Variants in NAALADL2 observed in about 807,000 individuals in gnomAD.
NAALADL2 encodes the protein inactive N-acetylated-alpha-linked acidic dipeptidase-like protein 2.
A neutral mutation model predicts 87.2 loss-of-function variants in NAALADL2; 76 were observed. That is an observed-to-expected ratio of 0.87 (90% CI 0.72 to 1.05). The LOEUF (loss-of-function observed/expected upper bound fraction) is 1.05, where lower values mean the gene tolerates loss of function less well. NAALADL2 is among the 50% of genes least tolerant of loss of function. The pLI, the probability that NAALADL2 is intolerant of heterozygous loss-of-function variation, is 0.00. For synonymous variants in NAALADL2, 354 were observed against 331.0 expected (o/e 1.07, Z -0.75); for missense variants, 1,089 against 945.8 (o/e 1.15, Z -1.99).
intron 2 of NAALADL2, among the ~76,000 whole-genome samples, chr3:174,634,459 T>C (rs939162701): frequency 9.9e-5 from 15 of 152,254 alleles, no homozygotes; most frequent in African/African-American, 3.1e-4. Flanking sequence ...ATTTTAAAAA[T>C]GCAACTTCTA....
At position 175,537,438 on chromosome 3, in the gene NAALADL2, G is replaced by C. The variant is rs909340150; in HGVS notation, c.1654-38603G>C. On this transcript the variant is annotated intron_variant, in intron 9 of 13. Transcript: ENST00000454872. ...ATATTTTCGTGTATGCTCACAAAAAGTGTAGGACAATTAGATAATGAACTA... is the reference window on the plus strand; with the variant it reads ...ATATTTTCGTGTATGCTCACAAAAACTGTAGGACAATTAGATAATGAACTA... Among the ~76,000 whole-genome samples the C allele has an allele frequency of 9.8e-5, 15 of 152,330 alleles. No individual in the cohort carries two copies. The East Asian group carries it at 2.9e-3, about 29-fold the overall frequency.
chr3:174,628,146 G>C (rs1214030020), intron 2 of NAALADL2, among the ~76,000 whole-genome samples: 1 of 152,130 alleles, frequency 6.6e-6, no homozygotes, highest in African/African-American at 2.4e-5. Flanking sequence ...TCAAGTCTTT[G>C]AAGATACAAG....
At chr3:174,622,805 C>T (rs1721143822) in intron 2 of NAALADL2, among the ~76,000 whole-genome samples, 1 of 152,096 alleles carries the variant, frequency 6.6e-6, no homozygotes, top group African/African-American at 2.4e-5. Flanking sequence ...CTTTGGGAGG[C>T]CGAGGCGGGC....
intron 11 of NAALADL2, among the ~76,000 whole-genome samples, chr3:175,712,272 A>G (rs1315467651): frequency 6.6e-6 from 1 of 152,036 alleles, no homozygotes; most frequent in Non-Finnish European, 1.5e-5. Flanking sequence ...GAGATTAATA[A>G]GTTACATTTA....
intron 10 of NAALADL2, among the ~76,000 whole-genome samples, chr3:175,610,378 T>C (rs1724456067): frequency 1.3e-5 from 2 of 152,160 alleles, no homozygotes; most frequent in African/African-American, 4.8e-5. Context: ...ATGTTCAATG[T>C]ACAGATAATG....
chr3:175,651,650 T>C (rs1236227470), intron 11 of NAALADL2, among the ~76,000 whole-genome samples: 1 of 152,222 alleles, frequency 6.6e-6, no homozygotes, highest in East Asian at 1.9e-4. Flanking sequence ...TTTTAAGGTA[T>C]GAAATTATTT....
At chr3:175,173,633 C>T (rs942547874) in intron 2 of NAALADL2, among the ~76,000 whole-genome samples, 1 of 152,210 alleles carries the variant, frequency 6.6e-6, no homozygotes, top group African/African-American at 2.4e-5. Context: ...GGGCCATCTA[C>T]TGGTGTCCTA....
chr3:175,804,060 C>G lies in NAALADL2; in HGVS notation c.*857C>G, dbSNP rs766125671. Reference sequence around the variant, plus strand: ...AAAGCATCTCACATTGGTTTTCTTTCTTGTATCTTTTCTGAAACTCCTTGC... The same window carrying G: ...AAAGCATCTCACATTGGTTTTCTTTGTTGTATCTTTTCTGAAACTCCTTGC... On this transcript the variant is annotated 3_prime_UTR_variant, in exon 14 of 14. Coordinates refer to ENST00000454872, the MANE Select transcript of NAALADL2 (RefSeq NM_207015.3). 1 of 151,876 alleles carries G rather than the reference C, an allele frequency of 6.6e-6. No homozygotes were observed. The highest frequency in any genetic ancestry group is 1.5e-5 in the Non-Finnish European group (1 of 67,832). The allele number at this position is 151,876 out of a possible 1,614,324, so 9.4% of individuals were successfully genotyped here.
intron 5 of NAALADL2, among the ~76,000 whole-genome samples, chr3:175,357,091 G>A (rs1358870262): frequency 1.3e-5 from 2 of 151,980 alleles, no homozygotes; most frequent in East Asian, 1.9e-4. Flanking sequence ...TTTTTAAAGT[G>A]CAAAATCATC....
chr3:175,584,040 T>A (rs1325620691), intron 10 of NAALADL2, among the ~76,000 whole-genome samples: 1 of 83,496 alleles, frequency 1.2e-5, no homozygotes, highest in South Asian at 2.6e-4. Context: ...TTGTCACTAC[T>A]TTTTTTTTTT....
At chr3:175,431,867 G>A (rs778402344) in intron 5 of NAALADL2, among the ~76,000 whole-genome samples, 1 of 151,868 alleles carries the variant, frequency 6.6e-6, no homozygotes, top group Non-Finnish European at 1.5e-5. Flanking sequence ...ACTCATCCAG[G>A]ACTGAAACCT....
chr3:175,666,139 G>T (rs1434907923), intron 11 of NAALADL2, among the ~76,000 whole-genome samples: 1 of 152,032 alleles, frequency 6.6e-6, no homozygotes, highest in African/African-American at 2.4e-5. Flanking sequence ...CTTCCAAAAT[G>T]CAAGACTGCC....
At chr3:175,401,371 C>T (rs1040431806) in intron 5 of NAALADL2, among the ~76,000 whole-genome samples, 10 of 151,898 alleles carry the variant, frequency 6.6e-5, no homozygotes, top group Non-Finnish European at 1.3e-4. Context: ...TAGAATTTTT[C>T]AAAATCATCA....
chr3:174,899,043 G>A (rs1422585131), intron 1 of NAALADL2, among the ~76,000 whole-genome samples: 1 of 151,968 alleles, frequency 6.6e-6, no homozygotes, highest in East Asian at 1.9e-4. Flanking sequence ...ACTTTTTATT[G>A]GCAAGGAAAC....
intron 1 of NAALADL2, among the ~76,000 whole-genome samples, chr3:174,904,311 T>A (rs1213679877): frequency 6.6e-6 from 1 of 151,914 alleles, no homozygotes; most frequent in Non-Finnish European, 1.5e-5. Context: ...ACCAACTTAT[T>A]AAGAATCTGA....
chr3:175,654,713 G>C (rs1307002261), intron 11 of NAALADL2, among the ~76,000 whole-genome samples: 2 of 152,038 alleles, frequency 1.3e-5, no homozygotes, highest in African/African-American at 4.8e-5. Flanking sequence ...CCTTATGCTG[G>C]TTTCATTTAT....
At chr3:175,217,750 T>C (rs1742773052) in intron 2 of NAALADL2, among the ~76,000 whole-genome samples, 1 of 152,132 alleles carries the variant, frequency 6.6e-6, no homozygotes, top group Non-Finnish European at 1.5e-5. Flanking sequence ...GAACCAAACA[T>C]TGAAAACAAG....
At chr3:174,959,810 T>C (rs1345497106) in intron 1 of NAALADL2, among the ~76,000 whole-genome samples, 1 of 152,112 alleles carries the variant, frequency 6.6e-6, no homozygotes, top group Non-Finnish European at 1.5e-5. Flanking sequence ...AGTTAGATTA[T>C]GTCATTTTAA....
chr3:175,512,206 C>G (rs1731252752), intron 9 of NAALADL2, among the ~76,000 whole-genome samples: 1 of 152,032 alleles, frequency 6.6e-6, no homozygotes, highest in South Asian at 2.1e-4. Flanking sequence ...CTACTATACT[C>G]CAGCTTGGGG....
Sources: gnomAD v4.1 joint callset for allele counts (sites outside exome capture counted in the v4.1 genomes callset) on GRCh38, gnomAD v4.1.1 for gene constraint, MANE v1.5 for transcripts, NCBI Gene and HGNC (gene_info 2026-07-23, HGNC 2026-07-21) for gene names.